The following LRP1B variants were observed in gnomAD, a reference collection of about 807,000 sequenced individuals.
LRP1B encodes LDL receptor related protein 1B.
Under a neutral mutation model 556.6 loss-of-function variants are expected in LRP1B, and 217 were observed. That is an observed-to-expected ratio of 0.39 (90% CI 0.35 to 0.44). LRP1B has a LOEUF of 0.44. Among genes scored for constraint, LRP1B ranks in the 20% least tolerant of loss-of-function variants. LRP1B has a pLI of 1.00. For missense variants in LRP1B, 5,053 were observed against 5,620.8 expected, an observed-to-expected ratio of 0.90 and a Z score of 3.23; for synonymous variants, 2,047 against 1,865.8, an observed-to-expected ratio of 1.10 and a Z score of -2.50.
intron 21 of LRP1B, among the ~76,000 whole-genome samples, chr2:140,910,751 C>T (rs576929946): frequency 1.3e-5 from 2 of 151,842 alleles, no homozygotes; most frequent in East Asian, 3.9e-4. Flanking sequence ...TGACATCCTT[C>T]CTACTCTATT....
intron 3 of LRP1B, among the ~76,000 whole-genome samples, chr2:141,315,068 C>T (rs996167836): frequency 3.3e-5 from 5 of 150,324 alleles, no homozygotes; most frequent in Non-Finnish European, 5.9e-5. Context: ...CAGGTAGGGA[C>T]TATTACGGTA....
chr2:140,878,017 G>A (rs912044862), intron 25 of LRP1B, among the ~76,000 whole-genome samples: 9 of 152,128 alleles, frequency 5.9e-5, no homozygotes, highest in African/African-American at 1.2e-4. Flanking sequence ...GGTTGTGGAA[G>A]CATATTCAGA....
chr2:141,313,462 T>A (rs767635668), intron 3 of LRP1B, among the ~76,000 whole-genome samples: 11 of 152,214 alleles, frequency 7.2e-5, no homozygotes, highest in Non-Finnish European at 1.0e-4. Flanking sequence ...ATTTTTAGAA[T>A]CATCAAAAAA....
chr2:141,699,122 T>A (rs553004228), intron 2 of LRP1B, among the ~76,000 whole-genome samples: 1 of 151,822 alleles, frequency 6.6e-6, no homozygotes, highest in Admixed American at 6.6e-5. Context: ...ATCCTATTCA[T>A]AAGCACGAAG....
At chr2:141,747,093 A>G (rs1355406840) in intron 2 of LRP1B, among the ~76,000 whole-genome samples, 6 of 152,212 alleles carry the variant, frequency 3.9e-5, no homozygotes, top group African/African-American at 1.2e-4. Flanking sequence ...CTAGAATATT[A>G]CAAACGATTT....
chr2:141,992,214 A>C (rs553285456), intron 1 of LRP1B, among the ~76,000 whole-genome samples: 1 of 152,278 alleles, frequency 6.6e-6, no homozygotes, highest in East Asian at 1.9e-4. Flanking sequence ...TGTGGAGCCC[A>C]CAGATACAGA....
At chr2:141,550,888 A>C (rs958063783) in intron 2 of LRP1B, among the ~76,000 whole-genome samples, 1 of 152,096 alleles carries the variant, frequency 6.6e-6, no homozygotes, top group Non-Finnish European at 1.5e-5. Context: ...CATATGCCAT[A>C]TATTATTAAT....
rs544845326 is a variant in LRP1B at position 141,115,197 on chromosome 2, C to T, written c.1014-52924G>A. 4.0e-5 allele frequency among the ~76,000 whole-genome samples: 6 copies of T among 151,682 alleles called. No individual in the cohort carries two copies. The South Asian group carries it at 1.0e-3, about 26-fold the overall frequency. On this transcript the variant is annotated intron_variant, in intron 7 of 90. Transcript: ENST00000389484. Reference sequence around the variant, plus strand: ...TGGACTTTCAAGGATTATAGTTACTCGAAGCCATATCTTAAACATGGCCTT... The same window carrying T: ...TGGACTTTCAAGGATTATAGTTACTTGAAGCCATATCTTAAACATGGCCTT...
chr2:140,579,463 C>T (rs1448863939), intron 43 of LRP1B, among the ~76,000 whole-genome samples: 1 of 152,112 alleles, frequency 6.6e-6, no homozygotes, highest in Non-Finnish European at 1.5e-5. Context: ...AGGGATGAAT[C>T]CTCAATTTGG....
intron 66 of LRP1B, among the ~76,000 whole-genome samples, chr2:140,387,225 T>C (rs1683797004): frequency 6.6e-6 from 1 of 152,154 alleles, no homozygotes. Context: ...GGGTAGGTTA[T>C]TGGTGGTGGT....
At chr2:141,229,630 C>T (rs1683384886) in intron 5 of LRP1B, among the ~76,000 whole-genome samples, 190 bp from the exon 6 acceptor site, 1 of 152,030 alleles carries the variant, frequency 6.6e-6, no homozygotes, top group Non-Finnish European at 1.5e-5. Context: ...AAAAAAAATT[C>T]TGCAGCACAT....
chr2:141,867,403 C>A (rs917407796), intron 1 of LRP1B, among the ~76,000 whole-genome samples: 11 of 151,728 alleles, frequency 7.2e-5, no homozygotes, highest in Admixed American at 2.6e-4. Context: ...ACAATAGATA[C>A]CAAAATGACT....
At chr2:140,410,406 A>G (rs922595437) in intron 66 of LRP1B, among the ~76,000 whole-genome samples, 5 of 151,950 alleles carry the variant, frequency 3.3e-5, no homozygotes, top group Non-Finnish European at 5.9e-5. Flanking sequence ...CTTTACTCCC[A>G]AATGTCTTTA....
intron 66 of LRP1B, among the ~76,000 whole-genome samples, chr2:140,428,590 C>T (rs1159790763): frequency 6.6e-6 from 1 of 152,182 alleles, no homozygotes; most frequent in East Asian, 1.9e-4. Context: ...CCCAGATCTT[C>T]TCGGCTTAGT....
intron 2 of LRP1B, among the ~76,000 whole-genome samples, chr2:141,669,241 G>A (rs1325313195): frequency 6.6e-6 from 1 of 152,076 alleles, no homozygotes; most frequent in Non-Finnish European, 1.5e-5. Context: ...AAAGAGATTA[G>A]TAAACAGATA....
chr2:140,571,938 C>A (rs1681337552), intron 43 of LRP1B, among the ~76,000 whole-genome samples: 1 of 151,496 alleles, frequency 6.6e-6, no homozygotes, highest in Non-Finnish European at 1.5e-5. Flanking sequence ...AACTAGATAT[C>A]CATATGCAGA....
chr2:140,818,966 T>C (rs1343640249), intron 31 of LRP1B, among the ~76,000 whole-genome samples: 1 of 144,980 alleles, frequency 6.9e-6, no homozygotes, highest in Admixed American at 6.8e-5. Flanking sequence ...AAAAAGAGAA[T>C]GTGCTGAGGA....
At chr2:141,700,099 C>T (rs988983288) in intron 2 of LRP1B, among the ~76,000 whole-genome samples, 1 of 151,536 alleles carries the variant, frequency 6.6e-6, no homozygotes, top group African/African-American at 2.4e-5. Context: ...TAAGGGTAAA[C>T]TTCTGTTCAT....
chr2:140,767,607 C>T (rs1053039392), intron 35 of LRP1B, among the ~76,000 whole-genome samples: 1 of 151,500 alleles, frequency 6.6e-6, no homozygotes, highest in Non-Finnish European at 1.5e-5. Flanking sequence ...CTTATCAAGA[C>T]ATTTAGATCA....
Sources: gnomAD v4.1 joint callset for allele counts (sites outside exome capture counted in the v4.1 genomes callset) on GRCh38, gnomAD v4.1.1 for gene constraint, MANE v1.5 for transcripts, NCBI Gene and HGNC (gene_info 2026-07-23, HGNC 2026-07-21) for gene names.